Variants in SFI1 observed in about 807,000 individuals in gnomAD.
SFI1 encodes protein SFI1 homolog.
A neutral mutation model predicts 207.5 loss-of-function variants in SFI1; 195 were observed. The ratio of observed to expected loss-of-function variants is 0.94; its 90% CI spans 0.84 to 1.06. The LOEUF (loss-of-function observed/expected upper bound fraction) is 1.06, where lower values mean the gene tolerates loss of function less well. Ranked by LOEUF, SFI1 falls within the 50% of genes least tolerant of loss-of-function variation. The probability of loss-of-function intolerance (pLI) is 0.00; values close to 1 mark genes in which losing one functional copy is unlikely to be tolerated. For synonymous variants in SFI1, 630 were observed against 598.9 expected (o/e 1.05, Z -0.76); for missense variants, 1,634 against 1,588.0 (o/e 1.03, Z -0.49).
chr22:31,497,152 T>G (rs2052816695), intron 1 of SFI1: 1 of 152,248 alleles, frequency 6.6e-6, no homozygotes. Flanking sequence ...CTGTTCAGGT[T>G]TCTTAACTGC....
chr22:31,502,075 G>A (rs907806075), intron 1 of SFI1, among the ~76,000 whole-genome samples: 10 of 151,946 alleles, frequency 6.6e-5, no homozygotes, highest in Non-Finnish European at 1.3e-4. Flanking sequence ...GGAATAAGTG[G>A]GTAAATAATT....
rs563573305 is a variant in SFI1 at position 31,506,696 on chromosome 22, A to G, written c.-30-1559A>G. ...ACAGATCAATGTGCAAAAATTGCAG[A>G]CATTCCTGTACACCAACAACAGGCA... On this transcript the variant is annotated intron_variant, in intron 1 of 32. Transcript: ENST00000400288. 7.2e-5 allele frequency among the ~76,000 whole-genome samples: 11 copies of G among 152,270 alleles called. No homozygotes were observed. The South Asian group carries it at 2.1e-3, about 29-fold the overall frequency.
chr22:31,579,611 G>A (rs1015510085), intron 11 of SFI1, among the ~76,000 whole-genome samples: 1 of 152,222 alleles, frequency 6.6e-6, no homozygotes, highest in East Asian at 1.9e-4. Context: ...CACCACGCCC[G>A]GCCTAATTTT....
At chr22:31,540,320 G>A (rs1842508614) in intron 4 of SFI1, among the ~76,000 whole-genome samples, 1 of 150,544 alleles carries the variant, frequency 6.6e-6, no homozygotes. Flanking sequence ...GTCTTACTCT[G>A]TCACCCAGGC....
At chr22:31,577,512 A>G (rs747537225) in intron 10 of SFI1, among the ~76,000 whole-genome samples, 4 of 152,102 alleles carry the variant, frequency 2.6e-5, no homozygotes, top group East Asian at 1.9e-4. Context: ...GGCTTAAGCA[A>G]TCCTCCCCCC....
intron 7 of SFI1, chr22:31,559,555 A>G: frequency 1.7e-6 from 1 of 601,338 alleles, no homozygotes; most frequent in Non-Finnish European, 3.1e-6. Context: ...CGGGCAGCAG[A>G]AAATAGGCTT....
intron 2 of SFI1, among the ~76,000 whole-genome samples, chr22:31,512,851 TA>T (rs1370998242): frequency 4.6e-5 from 7 of 152,238 alleles, no homozygotes; most frequent in Non-Finnish European, 1.0e-4. Flanking sequence ...CACGCCCGGC[TA>T]ATTTTTTGTA....
Position 31,553,838 on chromosome 22 carries a change from G to GTTTTTTTTTTTTT in SFI1, c.545-3086_545-3074dup, listed in dbSNP as rs58333559. On this transcript the variant is annotated intron_variant, in intron 6 of 32. Transcript: ENST00000400288. ...ATTCTATTTTTTTTTAATGGATTAT[G>GTTTTTTTTTTTTT]TTTTTTTTTTTTTTTTTTTTTTTTT... Among the ~76,000 whole-genome samples, 13 of 26,308 alleles carry GTTTTTTTTTTTTT rather than the reference G, an allele frequency of 4.9e-4. 5 individuals carry two copies. Among genetic ancestry groups the GTTTTTTTTTTTTT allele is most frequent in the Admixed American group, 1.4e-3 (2 of 1,448 alleles). The allele number at this position is 26,308 out of a possible 152,430, so 17.3% of individuals were successfully genotyped here. A position where few individuals can be genotyped will look rare whatever the true frequency, so the allele number is the denominator to read the frequency against.
chr22:31,601,849 G>A (rs2068147821), intron 15 of SFI1, among the ~76,000 whole-genome samples: 1 of 151,746 alleles, frequency 6.6e-6, no homozygotes, highest in African/African-American at 2.4e-5. Context: ...CTGGAGTGGA[G>A]TGGCGTGATC....
chr22:31,516,124 A>G (rs2056458235), intron 2 of SFI1, among the ~76,000 whole-genome samples: 1 of 151,834 alleles, frequency 6.6e-6, no homozygotes, highest in Admixed American at 6.6e-5. Context: ...AATATATAGG[A>G]GGTTTTCTGT....
At chr22:31,587,300 T>TGTTTTG (rs2065147058) in intron 14 of SFI1, 4 of 98,582 alleles carry the variant, frequency 4.1e-5, no homozygotes, top group South Asian at 6.0e-5. Context: ...GATGCCAATT[T>TGTTTTG]ATTTGTTTTG....
intron 4 of SFI1, among the ~76,000 whole-genome samples, chr22:31,535,284 G>A (rs2058882979): frequency 6.7e-6 from 1 of 150,354 alleles, no homozygotes; most frequent in Non-Finnish European, 1.5e-5. Context: ...CTGCCTTCCG[G>A]GTTCAAGCGA....
intron 10 of SFI1, among the ~76,000 whole-genome samples, chr22:31,575,702 A>G (rs559223863): frequency 6.6e-6 from 1 of 152,224 alleles, no homozygotes; most frequent in East Asian, 1.9e-4. Flanking sequence ...CTCAGAGGTA[A>G]TCCCACTTTC....
At chr22:31,582,501 C>G (rs1425864592) in intron 12 of SFI1, among the ~76,000 whole-genome samples, 1 of 151,614 alleles carries the variant, frequency 6.6e-6, no homozygotes, top group East Asian at 1.9e-4. Context: ...ATCCTCCCAC[C>G]TCGGCCTCCC....
chr22:31,585,080 G>A lies in SFI1; in HGVS notation c.1359G>A (p.Leu453=). 1 of 1,614,022 alleles carries A rather than the reference G, an allele frequency of 6.2e-7. No homozygotes were observed. ...AAWDHYRIAL[L]CKCIELWLQY... ...CCTTTTGTTTCAGAATAGCACTGCT[G>A]TGCAAATGTATCGAATTGTGGCTAC... Residue 453 remains leucine (L), a synonymous_variant, in exon 14 of 33, where the codon CTG becomes CTA. Transcript: ENST00000400288.
At position 31,604,353 on chromosome 22, in the gene SFI1, A is replaced by G; in HGVS notation, c.1926A>G (p.Ala642=). Reference sequence around the variant, plus strand: ...CGGAGCGGCAGAAGCTGATGCGAGCAGACCTGCACCACCAGCACAGCGTGC... The same window carrying G: ...CGGAGCGGCAGAAGCTGATGCGAGCGGACCTGCACCACCAGCACAGCGTGC... ...RGAERQKLMR[A]DLHHQHSVLH... Residue 642 remains alanine, a synonymous_variant, in exon 19 of 33, where the codon GCA becomes GCG. Transcript: ENST00000400288. 1 of 1,579,944 alleles carries G rather than the reference A, an allele frequency of 6.3e-7. No homozygotes were observed. The highest frequency in any genetic ancestry group is 8.6e-7 in the Non-Finnish European group (1 of 1,165,108).
chr22:31,500,240 G>C (rs1170240152), intron 1 of SFI1, among the ~76,000 whole-genome samples: 1 of 143,988 alleles, frequency 6.9e-6, no homozygotes. Context: ...GCTTGAACCC[G>C]GGAGCTGAGA....
chr22:31,575,530 C>T, intron 10 of SFI1, 138 bp downstream of exon 10: 1 of 891,528 alleles, frequency 1.1e-6, no homozygotes. Flanking sequence ...TGTTGACAGT[C>T]TTAAAATTTT....
Position 31,618,471 on chromosome 22 carries a change from C to A in SFI1, c.*53C>A. The A allele has an allele frequency of 7.0e-7, 1 of 1,437,810 alleles. No homozygotes were observed. The highest frequency in any genetic ancestry group is 9.2e-7 in the Non-Finnish European group (1 of 1,086,506). 89.1% of individuals were successfully genotyped at this position (1,437,810 alleles called of 1,614,324 possible). On this transcript the variant is annotated 3_prime_UTR_variant, in exon 33 of 33. Coordinates refer to ENST00000400288, the MANE Select transcript of SFI1 (RefSeq NM_001007467.3). ...GGGCTGTCGGGGAGGCCTCAGGCCA[C>A]CTCCAGGAACAGAACACAGTTTTAA...
Sources: gnomAD v4.1 joint callset for allele counts (sites outside exome capture counted in the v4.1 genomes callset) on GRCh38, gnomAD v4.1.1 for gene constraint, MANE v1.5 for transcripts, NCBI Gene and HGNC (gene_info 2026-07-23, HGNC 2026-07-21) for gene names.